The following CDH12 variants were observed in gnomAD, a reference collection of about 807,000 sequenced individuals.
The protein encoded by CDH12 is cadherin-12.
Under a neutral mutation model 74.1 loss-of-function variants are expected in CDH12, and 41 were observed. The ratio of observed to expected loss-of-function variants is 0.55; its 90% CI spans 0.43 to 0.72. The LOEUF is 0.72. Ranked by LOEUF, CDH12 falls within the 30% of genes least tolerant of loss-of-function variation. CDH12 has a pLI of 0.00. For synonymous variants in CDH12, 399 were observed against 355.0 expected, an observed-to-expected ratio of 1.12 and a Z score of -1.39; for missense variants, 945 against 977.2, an observed-to-expected ratio of 0.97 and a Z score of 0.44.
At chr5:22,509,551 A>T (rs1736517888) in intron 1 of CDH12, among the ~76,000 whole-genome samples, 1 of 152,176 alleles carries the variant, frequency 6.6e-6, no homozygotes, top group African/African-American at 2.4e-5. Context: ...TCACAGAAAA[A>T]TAAGGGTATG....
intron 5 of CDH12, among the ~76,000 whole-genome samples, chr5:22,035,360 TAGTTA>T (rs1456189786): frequency 1.3e-5 from 2 of 151,644 alleles, no homozygotes; most frequent in African/African-American, 2.4e-5. Flanking sequence ...TGGCCTTGGG[TAGTTA>T]AGTTAATTTC....
At chr5:21,969,273 G>A (rs1040559544) in intron 6 of CDH12, among the ~76,000 whole-genome samples, 1 of 152,098 alleles carries the variant, frequency 6.6e-6, no homozygotes, top group African/African-American at 2.4e-5. Flanking sequence ...CTCAGAAAGG[G>A]ATGAGAATAT....
At chr5:22,064,147 C>T (rs1741395836) in intron 5 of CDH12, among the ~76,000 whole-genome samples, 2 of 151,992 alleles carry the variant, frequency 1.3e-5, no homozygotes, top group African/African-American at 4.8e-5. Flanking sequence ...CATCTGCAAC[C>T]AAATGTGGAT....
Position 21,902,276 on chromosome 5 carries a change from C to T in CDH12, c.527-47486G>A, listed in dbSNP as rs973083550. Reference sequence around the variant, plus strand: ...ATGTATAATATAAGTATATATATTACATATGTATTATATGTATATATGTAT... The same window carrying T: ...ATGTATAATATAAGTATATATATTATATATGTATTATATGTATATATGTAT... On this transcript the variant is annotated intron_variant, in intron 6 of 14. Transcript: ENST00000382254. Among the ~76,000 whole-genome samples the T allele has an allele frequency of 2.0e-5, 3 of 150,146 alleles. No homozygotes were observed. The East Asian group carries it at 5.8e-4, about 29-fold the overall frequency.
At chr5:22,560,044 T>C (rs1419771123) in intron 1 of CDH12, among the ~76,000 whole-genome samples, 2 of 152,174 alleles carry the variant, frequency 1.3e-5, no homozygotes, top group East Asian at 3.9e-4. Flanking sequence ...CATCAACTTT[T>C]TATTATCCAT....
chr5:22,415,153 G>C (rs938787160), intron 2 of CDH12, among the ~76,000 whole-genome samples: 1 of 152,014 alleles, frequency 6.6e-6, no homozygotes, highest in Non-Finnish European at 1.5e-5. Context: ...CATTCTATAA[G>C]TAGCTCAGGT....
chr5:22,590,751 C>A (rs1388019240), intron 1 of CDH12, among the ~76,000 whole-genome samples: 2 of 152,136 alleles, frequency 1.3e-5, no homozygotes, highest in Non-Finnish European at 2.9e-5. Flanking sequence ...AGTATGGCAT[C>A]TCCATTTGCT....
intron 4 of CDH12, among the ~76,000 whole-genome samples, chr5:22,101,097 G>A (rs889820471): frequency 1.2e-4 from 18 of 151,062 alleles, no homozygotes; most frequent in Non-Finnish European, 2.7e-4. Context: ...CAAATGTGAC[G>A]CACCAAGAAA....
intron 4 of CDH12, among the ~76,000 whole-genome samples, chr5:22,091,756 T>C (rs899747751): frequency 1.3e-5 from 2 of 151,966 alleles, no homozygotes; most frequent in African/African-American, 2.4e-5. Flanking sequence ...AACAGTCTTA[T>C]ACAAAAAAGT....
At chr5:22,735,186 C>G (rs1744623171) in intron 1 of CDH12, among the ~76,000 whole-genome samples, 2 of 151,926 alleles carry the variant, frequency 1.3e-5, no homozygotes, top group Non-Finnish European at 1.5e-5. Context: ...CAACATAATA[C>G]AAACCTATGT....
intron 5 of CDH12, among the ~76,000 whole-genome samples, chr5:22,015,959 TCTCC>T (rs201092515): frequency 6.6e-6 from 1 of 151,844 alleles, no homozygotes; most frequent in East Asian, 1.9e-4. Flanking sequence ...TTGCATAATA[TCTCC>T]CTACTTGGTA....
chr5:22,342,606 A>G (rs1387679320), intron 3 of CDH12, among the ~76,000 whole-genome samples: 1 of 103,894 alleles, frequency 9.6e-6, no homozygotes, highest in Non-Finnish European at 1.8e-5. Context: ...TCTCTTTCTT[A>G]CTTTTTTCTT....
chr5:22,067,545 G>A (rs1465736961), intron 5 of CDH12, among the ~76,000 whole-genome samples: 1 of 152,156 alleles, frequency 6.6e-6, no homozygotes, highest in East Asian at 1.9e-4. Flanking sequence ...GATAGATGCA[G>A]TCTGCTACGT....
chr5:22,380,334 T>C (rs2126379575), intron 3 of CDH12, among the ~76,000 whole-genome samples: 1 of 152,322 alleles, frequency 6.6e-6, no homozygotes, highest in South Asian at 2.1e-4. Context: ...CAAATTTCTT[T>C]GTCCCTTTTA....
At chr5:22,715,630 G>A (rs1156433242) in intron 1 of CDH12, among the ~76,000 whole-genome samples, 2 of 151,568 alleles carry the variant, frequency 1.3e-5, no homozygotes, top group Admixed American at 6.6e-5. Flanking sequence ...TGGTGATCCC[G>A]TCTCTATTAA....
At chr5:22,079,605 A>G (rs532607816) in intron 4 of CDH12, among the ~76,000 whole-genome samples, 1 of 152,306 alleles carries the variant, frequency 6.6e-6, no homozygotes, top group African/African-American at 2.4e-5. Context: ...TAGCCTGGAT[A>G]TACCAGAAAC....
intron 3 of CDH12, among the ~76,000 whole-genome samples, chr5:22,259,336 T>TA (rs1345649067): frequency 1.3e-5 from 2 of 152,158 alleles, no homozygotes; most frequent in East Asian, 3.9e-4. Flanking sequence ...ATTGGGGATT[T>TA]AAAAAAACAT....
chr5:21,973,880 C>G (rs1436839223), intron 6 of CDH12, among the ~76,000 whole-genome samples: 2 of 152,100 alleles, frequency 1.3e-5, no homozygotes, highest in African/African-American at 2.4e-5. Context: ...GCAATAATAA[C>G]AGTGCATAAA....
At chr5:22,226,450 C>T (rs1008156121) in intron 3 of CDH12, among the ~76,000 whole-genome samples, 4 of 150,874 alleles carry the variant, frequency 2.7e-5, no homozygotes, top group African/African-American at 7.3e-5. Flanking sequence ...GGGGGAAGAA[C>T]CAGAAAGTAA....
Sources: gnomAD v4.1 joint callset for allele counts (sites outside exome capture counted in the v4.1 genomes callset) on GRCh38, gnomAD v4.1.1 for gene constraint, MANE v1.5 for transcripts, NCBI Gene and HGNC (gene_info 2026-07-23, HGNC 2026-07-21) for gene names.